Variants in GRIN2B observed in about 807,000 individuals in gnomAD.
The protein encoded by GRIN2B is glutamate receptor ionotropic, NMDA 2B.
A neutral mutation model predicts 114.5 loss-of-function variants in GRIN2B; 5 were observed. That is an observed-to-expected ratio of 0.04 (90% CI 0.02 to 0.09). The LOEUF is 0.09. Ranked by LOEUF, GRIN2B falls within the 10% of genes least tolerant of loss-of-function variation. The probability of loss-of-function intolerance (pLI) is 1.00; values close to 1 mark genes in which losing one functional copy is unlikely to be tolerated. For missense variants in GRIN2B, 1,108 were observed against 1,943.5 expected (o/e 0.57, Z 8.08); for synonymous variants, 787 against 745.1 (o/e 1.06, Z -0.92).
At chr12:13,729,211 C>A (rs1276301147) in intron 4 of GRIN2B, among the ~76,000 whole-genome samples, 1 of 152,210 alleles carries the variant, frequency 6.6e-6, no homozygotes, top group Non-Finnish European at 1.5e-5. Context: ...CATTTATTCC[C>A]AGCATGGGAG....
chr12:13,695,074 G>A (rs900236462), intron 4 of GRIN2B, among the ~76,000 whole-genome samples: 2 of 152,068 alleles, frequency 1.3e-5, no homozygotes, highest in African/African-American at 4.8e-5. Flanking sequence ...GCTGCAAAGG[G>A]ATCTCTAAGC....
At chr12:13,834,570 C>T (rs997229403) in intron 3 of GRIN2B, among the ~76,000 whole-genome samples, 2 of 152,148 alleles carry the variant, frequency 1.3e-5, no homozygotes, top group Non-Finnish European at 2.9e-5. Flanking sequence ...CTGCAGTGGA[C>T]CTCGTCCCTG....
At position 13,767,091 on chromosome 12, in the gene GRIN2B, C is replaced by G. The variant is rs1432929601; in HGVS notation, c.412-13176G>C. Among the ~76,000 whole-genome samples the G allele has an allele frequency of 5.9e-5, 9 of 152,024 alleles. No individual in the cohort carries two copies. In the East Asian group the frequency reaches 1.4e-3, roughly 23 times the overall value. ...CTAACACCGTGAAACCCCGTCTCTA[C>G]TAAAAAATACAAAAAAAAATTAGCC... On this transcript the variant is annotated intron_variant, in intron 3 of 13. Transcript: ENST00000609686.
chr12:13,774,958 G>A (rs149811408), intron 3 of GRIN2B, among the ~76,000 whole-genome samples: 55 of 152,256 alleles, frequency 3.6e-4, no homozygotes, highest in Middle Eastern at 6.8e-3. Flanking sequence ...AATCAGGAAA[G>A]TTCCCATGCA....
rs2136389214 is a variant in GRIN2B, at chr12:13,551,570, ATG to A, written c.*11211_*11212del. 1 of 152,330 alleles carries A rather than the reference ATG, an allele frequency of 6.6e-6. No homozygotes were observed. Among genetic ancestry groups the A allele is most frequent in the Non-Finnish European group, 1.5e-5 (1 of 68,028 alleles). 9.4% of individuals were successfully genotyped at this position (152,330 alleles called of 1,614,324 possible). On this transcript the variant is annotated 3_prime_UTR_variant, in exon 14 of 14. Coordinates refer to ENST00000609686, the MANE Select transcript of GRIN2B (RefSeq NM_000834.5). ...AAACACTGGCTGCATAAATTATGAT[ATG>A]TCTCTTTATCCCATTCTAAATGAAC...
chr12:13,907,984 A>AT (rs557505500), intron 2 of GRIN2B, among the ~76,000 whole-genome samples: 2,480 of 152,208 alleles, frequency 0.016, 27 homozygotes, highest in Middle Eastern at 0.034. Flanking sequence ...CTAAAACTGC[A>AT]TTTTTTTATT....
At chr12:13,769,049 T>G (rs573683297) in intron 3 of GRIN2B, among the ~76,000 whole-genome samples, 5 of 152,148 alleles carry the variant, frequency 3.3e-5, no homozygotes, top group South Asian at 2.1e-4. Flanking sequence ...ATAAATAAAA[T>G]AAAATAAAAT....
intron 5 of GRIN2B, among the ~76,000 whole-genome samples, chr12:13,646,744 G>T (rs1243595144): frequency 1.3e-5 from 2 of 151,316 alleles, no homozygotes; most frequent in African/African-American, 2.4e-5. Flanking sequence ...ATCCAGGCTG[G>T]TCTCAAACTC....
At chr12:13,739,333 C>T (rs994282809) in intron 4 of GRIN2B, among the ~76,000 whole-genome samples, 8 of 129,006 alleles carry the variant, frequency 6.2e-5, no homozygotes, top group Admixed American at 1.8e-4. Flanking sequence ...GAGATTGCAC[C>T]ATTGCACTCC....
chr12:13,750,588 T>G (rs1325710342), intron 4 of GRIN2B, among the ~76,000 whole-genome samples: 1 of 152,184 alleles, frequency 6.6e-6, no homozygotes, highest in Non-Finnish European at 1.5e-5. Flanking sequence ...TAGCAAACAT[T>G]TGGGAAAATA....
At position 13,894,271 on chromosome 12, in the gene GRIN2B, T is replaced by C. The variant is rs796573014; in HGVS notation, c.-18-28045A>G. Among the ~76,000 whole-genome samples the C allele has an allele frequency of 1.8e-4, 28 of 152,284 alleles. 1 individual carries two copies. The highest frequency in any genetic ancestry group is 6.7e-4 in the African/African-American group (28 of 41,586). ...TGTAAAATACAGGCAGAAAAAGCTTTATATACCAAAATGTTCATTGCAACA... is the reference window on the plus strand; with the variant it reads ...TGTAAAATACAGGCAGAAAAAGCTTCATATACCAAAATGTTCATTGCAACA... On this transcript the variant is annotated intron_variant, in intron 2 of 13. Coordinates refer to ENST00000609686, the MANE Select transcript of GRIN2B (RefSeq NM_000834.5).
At chr12:13,938,945 T>C (rs1481247873) in intron 2 of GRIN2B, among the ~76,000 whole-genome samples, 1 of 152,174 alleles carries the variant, frequency 6.6e-6, no homozygotes, top group Non-Finnish European at 1.5e-5. Flanking sequence ...GCTTCTCTTC[T>C]CTTTTTGCCA....
intron 3 of GRIN2B, among the ~76,000 whole-genome samples, chr12:13,763,161 TG>T (rs1863713522): frequency 1.3e-5 from 2 of 152,156 alleles, no homozygotes; most frequent in African/African-American, 4.8e-5. Flanking sequence ...AGCACCTGCA[TG>T]TCCCAGCTTC....
At chr12:13,884,790 T>G (rs189439929) in intron 2 of GRIN2B, among the ~76,000 whole-genome samples, 1 of 152,330 alleles carries the variant, frequency 6.6e-6, no homozygotes, top group East Asian at 1.9e-4. Context: ...TGATGAAATT[T>G]TTTAAATCAT....
chr12:13,662,400 T>C (rs75734852), intron 5 of GRIN2B, among the ~76,000 whole-genome samples: 283 of 152,292 alleles, frequency 1.9e-3, no homozygotes, highest in African/African-American at 6.5e-3. Flanking sequence ...CTGCTGAACA[T>C]ACTCTGAAGA....
intron 2 of GRIN2B, among the ~76,000 whole-genome samples, chr12:13,965,166 G>A (rs753350148): frequency 5.0e-4 from 76 of 152,168 alleles, no homozygotes; most frequent in Non-Finnish European, 9.8e-4. Flanking sequence ...TGCCAAGCCT[G>A]AAATCCTCAC....
At chr12:13,777,011 G>T (rs969326733) in intron 3 of GRIN2B, among the ~76,000 whole-genome samples, 6 of 152,072 alleles carry the variant, frequency 3.9e-5, no homozygotes, top group African/African-American at 1.4e-4. Flanking sequence ...GGACACTAAT[G>T]GGTGTCCCTA....
At chr12:13,631,795 T>G (rs543006638) in intron 5 of GRIN2B, among the ~76,000 whole-genome samples, 8 of 152,282 alleles carry the variant, frequency 5.3e-5, no homozygotes, top group African/African-American at 1.9e-4. Flanking sequence ...ATTGGCCAGG[T>G]AGTCTACCAT....
chr12:13,919,065 T>C (rs920850731), intron 2 of GRIN2B, among the ~76,000 whole-genome samples: 8 of 152,232 alleles, frequency 5.3e-5, no homozygotes, highest in Admixed American at 5.2e-4. Context: ...ATTCCCACAG[T>C]GGGCCTGAGT....
Sources: allele counts gnomAD v4.1 joint callset (sites outside exome capture counted in the v4.1 genomes callset), GRCh38; gene constraint gnomAD v4.1.1; transcripts MANE v1.5; gene names NCBI Gene and HGNC (gene_info 2026-07-23, HGNC 2026-07-21).